Variants in ARHGEF4 observed in about 807,000 individuals in gnomAD.
The protein encoded by ARHGEF4 is Rho guanine nucleotide exchange factor 4.
ARHGEF4 carries 119 observed loss-of-function variants against 162.0 expected under a neutral mutation model. The observed-to-expected ratio is 0.73, with a 90% CI of 0.63 to 0.86. The LOEUF (loss-of-function observed/expected upper bound fraction) is 0.86. Among genes scored for constraint, ARHGEF4 ranks in the 40% least tolerant of loss-of-function variants. ARHGEF4 has a pLI of 0.00. For missense variants in ARHGEF4, 2,488 were observed against 2,456.0 expected (o/e 1.01, Z -0.28); for synonymous variants, 1,014 against 979.9 (o/e 1.03, Z -0.65).
intron 1 of ARHGEF4, among the ~76,000 whole-genome samples, chr2:130,885,093 A>T (rs533680655): frequency 6.6e-6 from 1 of 152,234 alleles, no homozygotes; most frequent in African/African-American, 2.4e-5. Flanking sequence ...CTTCTGTTTA[A>T]TGCATGTCAG....
chr2:131,009,309 T>C (rs985563812), intron 4 of ARHGEF4, among the ~76,000 whole-genome samples: 1 of 152,246 alleles, frequency 6.6e-6, no homozygotes, highest in African/African-American at 2.4e-5. Flanking sequence ...ACAGTATCTC[T>C]GTCTTTCATT....
chr2:130,916,813 T>C lies in ARHGEF4; in HGVS notation c.2867T>C (p.Leu956Pro), dbSNP rs904716450. 1.3e-6 allele frequency: 2 copies of C among 1,550,394 alleles called. No homozygotes were observed. Among genetic ancestry groups the C allele is most frequent in the African/African-American group, 1.4e-5 (1 of 73,126 alleles). ...CGCCAGGGTTCCTGGCGGGCGTTTC[T>C]GAAAAGCAAAGATGCCGGAAGCCCC... ...RLRQGSWRAF[L>P]KSKDAGSPKK... The change falls in exon 2 of 14, where the codon CTG becomes CCG. Residue 956 changes from leucine to proline, a missense_variant. Physicochemically the swap from Leu to Pro is moderately conservative, Grantham distance 98. Around this residue, in one of 6 missense-constraint regions of ARHGEF4, gnomAD observed 1,642 missense variants for 1,481.5 expected, o/e 1.11. Transcript: ENST00000409359.
chr2:130,993,270 G>A (rs1687164907), intron 4 of ARHGEF4, among the ~76,000 whole-genome samples: 1 of 152,148 alleles, frequency 6.6e-6, no homozygotes, highest in Admixed American at 6.5e-5. Context: ...TTATTGAGAA[G>A]TGTATTAATT....
intron 1 of ARHGEF4, among the ~76,000 whole-genome samples, chr2:130,898,236 T>C (rs1265924591): frequency 6.6e-6 from 1 of 152,138 alleles, no homozygotes; most frequent in East Asian, 1.9e-4. Context: ...GTGGGATGGT[T>C]GCAGCCAACC....
chr2:130,837,078 C>T (rs1680244936), intron 1 of ARHGEF4, 86 bp downstream of exon 1: 1 of 1,191,722 alleles, frequency 8.4e-7, no homozygotes, highest in Non-Finnish European at 1.0e-6. Context: ...GGCTGCTGCG[C>T]CCCGGGCCGT....
intron 13 of ARHGEF4, chr2:131,045,736 T>G: frequency 7.0e-7 from 1 of 1,434,766 alleles, no homozygotes; most frequent in Non-Finnish European, 9.1e-7. Flanking sequence ...CTGGGGTTGG[T>G]GTAGGGATGG....
In ARHGEF4 at chr2:130,917,263, T is replaced by A. The variant is rs994885462; in HGVS notation, c.3317T>A (p.Leu1106His). Residue 1106 changes from leucine (L) to histidine (H), a missense_variant, in exon 2 of 14, where the codon CTC becomes CAC. By Grantham distance (99) the Leu-to-His change is moderately conservative. Transcript: ENST00000409359. ...SPRPSAQRMG[L>H]HYPGRGSAIS... ...AGGCCTAGTGCTCAGCGGATGGGTC[T>A]CCACTACCCCGGGAGGGGTAGCGCC... The A allele has an allele frequency of 5.6e-5, 87 of 1,550,332 alleles. No homozygotes were observed. The highest frequency in any genetic ancestry group is 7.5e-5 in the Non-Finnish European group (86 of 1,146,956).
intron 2 of ARHGEF4, among the ~76,000 whole-genome samples, chr2:130,919,448 G>T (rs1159529057): frequency 6.6e-6 from 1 of 152,118 alleles, no homozygotes; most frequent in African/African-American, 2.4e-5. Context: ...TTGCCCTTTT[G>T]TGTTTCTGAT....
intron 4 of ARHGEF4, among the ~76,000 whole-genome samples, chr2:130,986,289 C>T (rs909543922): frequency 6.6e-6 from 1 of 152,148 alleles, no homozygotes; most frequent in Admixed American, 6.5e-5. Context: ...ATGGGCAGCC[C>T]AGGGCCCCAG....
chr2:131,045,338 G>T lies in ARHGEF4; in HGVS notation c.5402-31G>T, dbSNP rs556116894. 5.2e-5 allele frequency: 83 copies of T among 1,601,096 alleles called. No homozygotes were observed. In the South Asian group the frequency reaches 8.4e-4, roughly 16 times the overall value. On this transcript the variant is annotated intron_variant, in intron 12 of 13. Coordinates refer to ENST00000409359, the MANE Select transcript of ARHGEF4 (RefSeq NM_001367493.1). ...AACTGCACCTGGGGCCACGAAGTGG[G>T]GCAGCGCCCTCACCTGTGCCCCTTC...
intron 4 of ARHGEF4, among the ~76,000 whole-genome samples, chr2:130,991,401 G>T (rs1473002636): frequency 6.6e-6 from 1 of 152,244 alleles, no homozygotes; most frequent in Non-Finnish European, 1.5e-5. Flanking sequence ...TTTCTGGGCT[G>T]GCCAAGGCCG....
intron 1 of ARHGEF4, among the ~76,000 whole-genome samples, chr2:130,838,605 CAAAAAA>C (rs1034542423): frequency 1.4e-5 from 2 of 145,542 alleles, no homozygotes; most frequent in African/African-American, 5.1e-5. Context: ...GACTCCGTCT[CAAAAAA>C]AAGAAAAAGA....
chr2:130,884,549 G>A (rs1223851873), intron 1 of ARHGEF4, among the ~76,000 whole-genome samples: 4 of 152,064 alleles, frequency 2.6e-5, no homozygotes, highest in Non-Finnish European at 5.9e-5. Context: ...TAGCAGCAGC[G>A]CACCTGATAT....
intron 1 of ARHGEF4, among the ~76,000 whole-genome samples, chr2:130,850,548 C>G (rs545661621): frequency 2.0e-5 from 3 of 152,252 alleles, no homozygotes; most frequent in African/African-American, 7.2e-5. Flanking sequence ...ACACCTCCCC[C>G]CTGCAAGGAC....
intron 4 of ARHGEF4, among the ~76,000 whole-genome samples, chr2:130,978,008 A>C (rs1685870314): frequency 1.3e-5 from 2 of 152,216 alleles, no homozygotes; most frequent in African/African-American, 4.8e-5. Flanking sequence ...AGGGAGGGGC[A>C]AGGAGGCATC....
intron 1 of ARHGEF4, chr2:130,837,739 G>A: frequency 2.7e-6 from 1 of 368,100 alleles, no homozygotes; most frequent in Non-Finnish European, 5.4e-6. Context: ...GCTGGGTGGT[G>A]CTGAGCTCCG....
chr2:130,894,033 G>C (rs970246246), intron 1 of ARHGEF4, among the ~76,000 whole-genome samples: 1 of 152,248 alleles, frequency 6.6e-6, no homozygotes, highest in Non-Finnish European at 1.5e-5. Context: ...CGCCCTGATG[G>C]GGTCGAGGCA....
chr2:131,010,509 TA>T (rs140690979), intron 4 of ARHGEF4, among the ~76,000 whole-genome samples: 1,923 of 152,348 alleles, frequency 0.013, 35 homozygotes, highest in African/African-American at 0.039. Flanking sequence ...TTGAGAGGGA[TA>T]TTTTTTTACA....
chr2:130,876,207 C>CT (rs1243573446), intron 1 of ARHGEF4, among the ~76,000 whole-genome samples: 2 of 152,162 alleles, frequency 1.3e-5, no homozygotes, highest in African/African-American at 4.8e-5. Context: ...CTACAGCCTC[C>CT]TGGGGGCACA....
Sources: allele counts gnomAD v4.1 joint callset (sites outside exome capture counted in the v4.1 genomes callset), GRCh38; gene constraint gnomAD v4.1.1; regional missense constraint gnomAD v4.1.1; transcripts MANE v1.5; gene names NCBI Gene and HGNC (gene_info 2026-07-23, HGNC 2026-07-21).